The following EDIL3 variants were observed in gnomAD, a reference collection of about 807,000 sequenced individuals.
EDIL3 encodes EGF like and discoidin domains 3, also known as EGF-like repeat and discoidin I-like domain-containing protein 3.
Under a neutral mutation model 67.4 loss-of-function variants are expected in EDIL3, and 37 were observed. The observed-to-expected ratio is 0.55, with a 90% confidence interval of 0.42 to 0.72. The LOEUF is 0.72. Ranked by LOEUF, EDIL3 falls within the 30% of genes least tolerant of loss-of-function variation. EDIL3 has a pLI of 0.00. For missense variants in EDIL3, 527 were observed against 586.3 expected, an observed-to-expected ratio of 0.90 and a Z score of 1.04; for synonymous variants, 195 against 196.3, an observed-to-expected ratio of 0.99 and a Z score of 0.05.
intron 5 of EDIL3, among the ~76,000 whole-genome samples, chr5:84,107,324 A>G (rs558082621): frequency 6.6e-6 from 1 of 152,134 alleles, no homozygotes; most frequent in Non-Finnish European, 1.5e-5. Context: ...AAATTTTTAT[A>G]CCCACCATCA....
chr5:84,275,164 C>G (rs1019340030), intron 1 of EDIL3, among the ~76,000 whole-genome samples: 8 of 152,130 alleles, frequency 5.3e-5, no homozygotes, highest in African/African-American at 1.9e-4. Context: ...TTTACTGTAC[C>G]AAACCACCTA....
intron 1 of EDIL3, among the ~76,000 whole-genome samples, chr5:84,347,439 T>G (rs1747259261): frequency 6.6e-6 from 1 of 152,224 alleles, no homozygotes; most frequent in African/African-American, 2.4e-5. Flanking sequence ...ATTATAATGC[T>G]TTGTGCTCAC....
chr5:83,981,283 T>C (rs1382482638), intron 9 of EDIL3, among the ~76,000 whole-genome samples: 1 of 152,088 alleles, frequency 6.6e-6, no homozygotes, highest in Non-Finnish European at 1.5e-5. Context: ...TACTGGCATT[T>C]AAATATAAAT....
chr5:84,342,494 C>G (rs1747135975), intron 1 of EDIL3, among the ~76,000 whole-genome samples: 1 of 151,964 alleles, frequency 6.6e-6, no homozygotes, highest in Non-Finnish European at 1.5e-5. Flanking sequence ...GATGGATACT[C>G]TGAAAGCCGT....
chr5:84,112,370 T>C (rs1483539502), intron 5 of EDIL3, among the ~76,000 whole-genome samples: 3 of 152,118 alleles, frequency 2.0e-5, no homozygotes, highest in Non-Finnish European at 4.4e-5. Flanking sequence ...GAACTAGTAA[T>C]GATTAGATGC....
At chr5:84,149,881 G>A (rs138334883) in intron 4 of EDIL3, among the ~76,000 whole-genome samples, 100 of 151,928 alleles carry the variant, frequency 6.6e-4, no homozygotes, top group African/African-American at 2.2e-3. Flanking sequence ...AATTTTAGAC[G>A]TTTTAAGACA....
In EDIL3 at chr5:84,357,614, T is replaced by C. The variant is rs183954240; in HGVS notation, c.67+26694A>G. ...GAATCAAATGCAAGCGAGGGCTGGGTGCAGTGGCTCACGCCTGTAATCCCA... is the reference window on the plus strand; with the variant it reads ...GAATCAAATGCAAGCGAGGGCTGGGCGCAGTGGCTCACGCCTGTAATCCCA... On this transcript the variant is annotated intron_variant, in intron 1 of 10. Transcript: ENST00000296591. Among the ~76,000 whole-genome samples the C allele has an allele frequency of 1.4e-4, 22 of 152,006 alleles. 1 individual carries two copies. The highest frequency in any genetic ancestry group is 5.3e-4 in the African/African-American group (22 of 41,484).
intron 6 of EDIL3, among the ~76,000 whole-genome samples, chr5:84,090,863 G>A (rs62364245): frequency 3.3e-5 from 5 of 151,688 alleles, no homozygotes; most frequent in East Asian, 1.9e-4. Flanking sequence ...CAGGAGAATC[G>A]CTTGAACCCG....
intron 1 of EDIL3, among the ~76,000 whole-genome samples, chr5:84,377,342 G>A (rs1380215480): frequency 2.7e-5 from 4 of 150,832 alleles, no homozygotes; most frequent in African/African-American, 9.7e-5. Flanking sequence ...AAGCAGAGAT[G>A]TGAGCACAGA....
At chr5:84,369,859 C>T (rs376040512) in intron 1 of EDIL3, among the ~76,000 whole-genome samples, 1 of 152,004 alleles carries the variant, frequency 6.6e-6, no homozygotes, top group South Asian at 2.1e-4. Context: ...ACTTATTTAG[C>T]TAAACAAGTC....
At chr5:84,355,693 TG>T (rs889354157) in intron 1 of EDIL3, among the ~76,000 whole-genome samples, 1 of 152,132 alleles carries the variant, frequency 6.6e-6, no homozygotes, top group Non-Finnish European at 1.5e-5. Context: ...AGATGCCAGC[TG>T]GAGCTTTCCT....
intron 4 of EDIL3, among the ~76,000 whole-genome samples, chr5:84,157,543 C>T (rs1247803972): frequency 1.3e-5 from 2 of 151,936 alleles, no homozygotes; most frequent in Non-Finnish European, 2.9e-5. Context: ...TAGTTTCTGA[C>T]ATTATTATCT....
chr5:83,968,816 C>A (rs1744740977), intron 9 of EDIL3, among the ~76,000 whole-genome samples: 1 of 151,906 alleles, frequency 6.6e-6, no homozygotes, highest in South Asian at 2.1e-4. Flanking sequence ...AGTTCAACTG[C>A]ACGTTTTTCA....
intron 5 of EDIL3, among the ~76,000 whole-genome samples, chr5:84,133,464 C>CAAAAAAAAA (rs5869210): frequency 0.012 from 991 of 84,566 alleles, no homozygotes; most frequent in Non-Finnish European, 0.016. Context: ...ACTAAAAATA[C>CAAAAAAAAA]AAAAAAAAAA....
intron 5 of EDIL3, among the ~76,000 whole-genome samples, chr5:84,119,696 C>T (rs529515895): frequency 5.7e-4 from 87 of 152,038 alleles, no homozygotes; most frequent in Middle Eastern, 6.8e-3. Flanking sequence ...CTTTTATAAT[C>T]GAGTTTTTCC....
intron 9 of EDIL3, among the ~76,000 whole-genome samples, chr5:84,047,233 G>T (rs989080726): frequency 6.6e-6 from 1 of 151,816 alleles, no homozygotes; most frequent in Non-Finnish European, 1.5e-5. Flanking sequence ...CTATTACTTT[G>T]GGCCTTTTTC....
chr5:84,081,789 C>T (rs1746974040), intron 6 of EDIL3, among the ~76,000 whole-genome samples: 1 of 152,032 alleles, frequency 6.6e-6, no homozygotes. Context: ...GCTGTTGAAA[C>T]ATTTTAAGGA....
At chr5:84,191,512 G>A (rs1398573351) in intron 3 of EDIL3, among the ~76,000 whole-genome samples, 1 of 152,018 alleles carries the variant, frequency 6.6e-6, no homozygotes, top group African/African-American at 2.4e-5. Context: ...CAGATTTGAG[G>A]AGGCATAAAA....
intron 3 of EDIL3, among the ~76,000 whole-genome samples, chr5:84,206,463 A>C (rs1743981639): frequency 6.6e-6 from 1 of 152,094 alleles, no homozygotes; most frequent in Admixed American, 6.6e-5. Context: ...ATTCCTGGGT[A>C]TCCTTAAGGA....
Sources: allele counts gnomAD v4.1 joint callset (sites outside exome capture counted in the v4.1 genomes callset), GRCh38; gene constraint gnomAD v4.1.1; transcripts MANE v1.5; gene names NCBI Gene and HGNC (gene_info 2026-07-23, HGNC 2026-07-21).